Variants in SCHIP1 observed in about 807,000 individuals in gnomAD.
SCHIP1 encodes the protein schwannomin-interacting protein 1.
A neutral mutation model predicts 29.7 loss-of-function variants in SCHIP1; 8 were observed. The ratio of observed to expected loss-of-function variants is 0.27; its 90% CI spans 0.16 to 0.49. The LOEUF is 0.49. SCHIP1 is among the 20% of genes least tolerant of loss of function. SCHIP1 has a pLI of 0.99. For synonymous variants in SCHIP1, 76 were observed against 94.9 expected (o/e 0.80, Z 1.16); for missense variants, 193 against 294.6 (o/e 0.66, Z 2.52).
the SCHIP1 span, among the ~76,000 whole-genome samples, chr3:159,424,175 G>A: frequency 1.3e-5 from 2 of 152,094 alleles, no homozygotes; most frequent in African/African-American, 2.4e-5. Context: ...CACCAGCAAT[G>A]GAACAAAGCT....
chr3:159,880,691 T>C (rs1166732400), intron 2 of SCHIP1, among the ~76,000 whole-genome samples: 6 of 152,218 alleles, frequency 3.9e-5, no homozygotes, highest in African/African-American at 2.4e-5. Context: ...CACCAGCCTA[T>C]TGGTGCCATG....
chr3:159,283,571 G>A, the SCHIP1 span, among the ~76,000 whole-genome samples: 2 of 151,806 alleles, frequency 1.3e-5, no homozygotes, highest in South Asian at 2.1e-4. Flanking sequence ...GTGCAATGGC[G>A]CGCGATCTTG....
chr3:159,495,359 C>A, the SCHIP1 span, among the ~76,000 whole-genome samples: 1 of 152,154 alleles, frequency 6.6e-6, no homozygotes, highest in Non-Finnish European at 1.5e-5. Flanking sequence ...TAGAAAACCC[C>A]ATTGTCTCAG....
the SCHIP1 span, among the ~76,000 whole-genome samples, chr3:159,430,909 A>G: frequency 6.6e-6 from 1 of 152,100 alleles, no homozygotes; most frequent in Non-Finnish European, 1.5e-5. Context: ...CAGTGCTCCA[A>G]GCAGGCCAGG....
At chr3:159,372,827 C>A in the SCHIP1 span, among the ~76,000 whole-genome samples, 2 of 152,112 alleles carry the variant, frequency 1.3e-5, no homozygotes, top group Non-Finnish European at 2.9e-5. Context: ...CAACCACAAC[C>A]ATTTGTGCAA....
At chr3:159,764,290 G>A in the SCHIP1 span, 1 of 828,256 alleles carries the variant, frequency 1.2e-6, no homozygotes, top group African/African-American at 1.7e-5. This position sits in a 1 kb window ranked among gnomAD's most constrained non-coding sequence, Gnocchi z 6.1. Context: ...GCCTCAGGCT[G>A]GTGCTGGCTC....
At chr3:159,352,924 G>T in the SCHIP1 span, among the ~76,000 whole-genome samples, 1 of 152,194 alleles carries the variant, frequency 6.6e-6, no homozygotes, top group South Asian at 2.1e-4. Flanking sequence ...TAATTCAGGT[G>T]GTACACAGCT....
At chr3:159,279,744 G>A in the SCHIP1 span, among the ~76,000 whole-genome samples, 1 of 152,062 alleles carries the variant, frequency 6.6e-6, no homozygotes, top group Non-Finnish European at 1.5e-5. Flanking sequence ...TAATTTATTA[G>A]AAACACAACA....
chr3:159,473,688 AAAAAAAG>A, the SCHIP1 span, among the ~76,000 whole-genome samples: 17 of 150,512 alleles, frequency 1.1e-4, no homozygotes, highest in Admixed American at 9.3e-4. Context: ...AAAAAAAAAA[AAAAAAAG>A]AAAAGAAAAG....
At chr3:159,661,272 C>T in the SCHIP1 span, among the ~76,000 whole-genome samples, 1 of 152,128 alleles carries the variant, frequency 6.6e-6, no homozygotes, top group Non-Finnish European at 1.5e-5. Flanking sequence ...CACCATGTAA[C>T]TTATATAATC....
intron 1 of SCHIP1, among the ~76,000 whole-genome samples, chr3:159,857,336 A>G (rs543638613): frequency 6.6e-6 from 1 of 152,138 alleles, no homozygotes; most frequent in South Asian, 2.1e-4. Context: ...TGTCATGGTC[A>G]TCTTCTACAG....
chr3:159,543,304 AC>A, the SCHIP1 span, among the ~76,000 whole-genome samples: 1 of 148,824 alleles, frequency 6.7e-6, no homozygotes, highest in South Asian at 2.2e-4. Context: ...GGTGTGCTGC[AC>A]CCATTAACTC....
the SCHIP1 span, among the ~76,000 whole-genome samples, chr3:159,706,038 A>G: frequency 6.6e-6 from 1 of 152,130 alleles, no homozygotes; most frequent in African/African-American, 2.4e-5. Context: ...GATCCAAAGG[A>G]TGTGTAGGAG....
chr3:159,588,681 A>G, the SCHIP1 span, among the ~76,000 whole-genome samples: 1 of 152,194 alleles, frequency 6.6e-6, no homozygotes, highest in African/African-American at 2.4e-5. Flanking sequence ...CTTTCTACAT[A>G]TGGCTAGCCA....
At chr3:159,476,832 T>C in the SCHIP1 span, among the ~76,000 whole-genome samples, 1 of 152,142 alleles carries the variant, frequency 6.6e-6, no homozygotes, top group Non-Finnish European at 1.5e-5. Flanking sequence ...TTTACTCTTA[T>C]TTTGAAAAAT....
At chr3:159,300,317 A>T in the SCHIP1 span, among the ~76,000 whole-genome samples, 2 of 151,114 alleles carry the variant, frequency 1.3e-5, no homozygotes, top group East Asian at 1.9e-4. Flanking sequence ...TTTTTTTTGT[A>T]GAGATGAAAT....
the SCHIP1 span, among the ~76,000 whole-genome samples, chr3:159,825,718 C>T: frequency 1.1e-4 from 16 of 152,094 alleles, no homozygotes; most frequent in African/African-American, 2.9e-4. Flanking sequence ...TGCTCTCTCA[C>T]GGAGCATACA....
chr3:159,801,282 C>T, the SCHIP1 span, among the ~76,000 whole-genome samples: 1 of 152,126 alleles, frequency 6.6e-6, no homozygotes, highest in Non-Finnish European at 1.5e-5. Flanking sequence ...AATGTTGTTT[C>T]TCTAAGGGGA....
At chr3:159,544,529 C>A in the SCHIP1 span, among the ~76,000 whole-genome samples, 1 of 152,056 alleles carries the variant, frequency 6.6e-6, no homozygotes, top group African/African-American at 2.4e-5. Flanking sequence ...ATTGTACAAT[C>A]AGGTTGTTTA....
Sources: gnomAD v4.1 joint callset for allele counts (sites outside exome capture counted in the v4.1 genomes callset) on GRCh38, gnomAD v4.1.1 for gene constraint, Gnocchi (gnomAD v3.1) non-coding constraint, MANE v1.5 for transcripts, NCBI Gene and HGNC (gene_info 2026-07-23, HGNC 2026-07-21) for gene names.